The following PKIB variants were observed in gnomAD, a reference collection of about 807,000 sequenced individuals.
The protein encoded by PKIB is PKI-beta.
PKIB carries 2 observed loss-of-function variants against 4.5 expected under a neutral mutation model. The observed-to-expected ratio is 0.44, with a 90% CI of 0.18 to 1.39. The LOEUF (loss-of-function observed/expected upper bound fraction) is 1.39. Ranked by LOEUF, PKIB falls within the 40% of genes most tolerant of loss-of-function variation. The probability of loss-of-function intolerance (pLI) is 0.27; values close to 1 mark genes in which losing one functional copy is unlikely to be tolerated. For synonymous variants in PKIB, 38 were observed against 36.0 expected, an observed-to-expected ratio of 1.06 and a Z score of -0.20; for missense variants, 94 against 92.6, an observed-to-expected ratio of 1.02 and a Z score of -0.06.
intron 3 of PKIB, among the ~76,000 whole-genome samples, chr6:122,716,756 G>A: frequency 6.6e-6 from 1 of 152,128 alleles, no homozygotes; most frequent in East Asian, 1.9e-4. Flanking sequence ...TGTAGCCCAA[G>A]GTTTACATAT....
At chr6:122,554,198 A>G (rs1398254417) in intron 2 of PKIB, among the ~76,000 whole-genome samples, 1 of 152,208 alleles carries the variant, frequency 6.6e-6, no homozygotes, top group Non-Finnish European at 1.5e-5. Context: ...TGTGACTTCA[A>G]ACTATTTGTT....
At chr6:122,618,149 T>C (rs889475424) in intron 1 of PKIB, among the ~76,000 whole-genome samples, 1 of 152,172 alleles carries the variant, frequency 6.6e-6, no homozygotes, top group Non-Finnish European at 1.5e-5. Context: ...TGGTAATCAT[T>C]GATTTAACTC....
At chr6:122,705,842 G>A (rs773903025) in intron 3 of PKIB, among the ~76,000 whole-genome samples, 3 of 152,154 alleles carry the variant, frequency 2.0e-5, no homozygotes, top group Non-Finnish European at 4.4e-5. Flanking sequence ...TGGGATTACG[G>A]CATGAGCCAC....
At chr6:122,594,337 G>A (rs1439026126) in intron 3 of PKIB, among the ~76,000 whole-genome samples, 4 of 151,750 alleles carry the variant, frequency 2.6e-5, no homozygotes, top group African/African-American at 9.7e-5. Flanking sequence ...CCTCCCGAAA[G>A]CTGAGATTAC....
At chr6:122,573,521 C>CAAAAAAAAAAAAAAAAA (rs61014475) in intron 2 of PKIB, among the ~76,000 whole-genome samples, 2 of 87,574 alleles carry the variant, frequency 2.3e-5, no homozygotes, top group Non-Finnish European at 4.6e-5. Flanking sequence ...GACTCTGTCT[C>CAAAAAAAAAAAAAAAAA]AAAAAAAAAA....
intron 2 of PKIB, among the ~76,000 whole-genome samples, chr6:122,496,586 A>G (rs894980023): frequency 6.6e-6 from 1 of 152,226 alleles, no homozygotes; most frequent in African/African-American, 2.4e-5. Flanking sequence ...CTAAAATACA[A>G]TTGAAAGTTT....
chr6:122,635,970 C>G (rs1372847867), intron 2 of PKIB, among the ~76,000 whole-genome samples: 2 of 152,058 alleles, frequency 1.3e-5, no homozygotes, highest in East Asian at 3.8e-4. Flanking sequence ...TTAACCAACG[C>G]AATAAATGTT....
At chr6:122,653,878 A>G (rs1776668982) in intron 2 of PKIB, among the ~76,000 whole-genome samples, 1 of 152,128 alleles carries the variant, frequency 6.6e-6, no homozygotes, top group African/African-American at 2.4e-5. Context: ...GAATGGCTTG[A>G]ACCTGAGAGG....
rs760043510 is a variant in PKIB, at chr6:122,664,905, A to G, written c.-75-10173A>G. Among the ~76,000 whole-genome samples the G allele has an allele frequency of 2.8e-4, 43 of 152,226 alleles. 1 individual carries two copies. The highest frequency in any genetic ancestry group is 5.9e-4 in the Non-Finnish European group (40 of 68,038). On this transcript the variant is annotated intron_variant, in intron 2 of 4. Coordinates refer to ENST00000368452, the MANE Select transcript of PKIB (RefSeq NM_181795.3). ...TTTAGGGAAAAATAAACCTTTGTAA[A>G]AAGAATATTAATACATTTTAAAATT... is the stretch of plus-strand genomic sequence containing the variant.
At chr6:122,631,258 A>C (rs1165491468) in intron 1 of PKIB, among the ~76,000 whole-genome samples, 1 of 152,202 alleles carries the variant, frequency 6.6e-6, no homozygotes, top group Non-Finnish European at 1.5e-5. Context: ...CACATATGGC[A>C]GTCGAGTTAT....
Position 122,717,954 on chromosome 6 carries a change from G to T in PKIB, c.160G>T (p.Val54Leu), listed in dbSNP as rs187660514. 6.2e-7 allele frequency: 1 copy of T among 1,612,966 alleles called. No individual in the cohort carries two copies. Among genetic ancestry groups the T allele is most frequent in the South Asian group, 1.1e-5 (1 of 91,052 alleles). The change falls in exon 4 of 5, where the codon GTG (valine) becomes TTG (leucine). Residue 54 changes from valine (V) to leucine (L), a missense_variant. By Grantham distance (32) the Val-to-Leu change is conservative. Coordinates refer to ENST00000368452, the MANE Select transcript of PKIB (RefSeq NM_181795.3). ...GCCCCTCAAACTGGAGGCTCTCTCC[G>T]TGAAGGAAGGTAATACTCAAAATCC... ...DLPLKLEALS[V>L]KEDAKEKDEK...
At position 122,587,201 on chromosome 6, in the gene PKIB, G is replaced by A. The variant is rs1445180777; in HGVS notation, c.-161+1194G>A. Among the ~76,000 whole-genome samples, 30 of 151,854 alleles carry A rather than the reference G, an allele frequency of 2.0e-4. 1 individual carries two copies. Among genetic ancestry groups the A allele is most frequent in the Non-Finnish European group, 4.1e-4 (28 of 67,960 alleles). On this transcript the variant is annotated intron_variant, in intron 3 of 6. Transcript: ENST00000392491. ...GTCCTCCCACTCCACAATAGGCCCC[G>A]GTATGTGATGTTCCCCTTCCTGTGT... is the stretch of plus-strand genomic sequence containing the variant.
At chr6:122,665,168 A>C (rs1777167514) in intron 2 of PKIB, among the ~76,000 whole-genome samples, 1 of 152,218 alleles carries the variant, frequency 6.6e-6, no homozygotes, top group African/African-American at 2.4e-5. Flanking sequence ...TGACAAAAAA[A>C]ATAAGGTTAG....
In PKIB at chr6:122,667,676, GA is replaced by G. The variant is rs550441910; in HGVS notation, c.-75-7395del. ...TAAGCTAAGAAGTTTAATAGTTATGGAAAAAAATTAAAAGTTACTTCTTTTA... is the reference window on the plus strand; with the variant it reads ...TAAGCTAAGAAGTTTAATAGTTATGGAAAAAATTAAAAGTTACTTCTTTTA... On this transcript the variant is annotated intron_variant, in intron 2 of 4. Transcript: ENST00000368452. Among the ~76,000 whole-genome samples, 53 of 152,232 alleles carry G rather than the reference GA, an allele frequency of 3.5e-4. No individual in the cohort carries two copies. The East Asian group carries it at 8.3e-3, about 24-fold the overall frequency.
At chr6:122,583,006 A>T (rs1773746250) in intron 2 of PKIB, among the ~76,000 whole-genome samples, 1 of 152,052 alleles carries the variant, frequency 6.6e-6, no homozygotes, top group African/African-American at 2.4e-5. Flanking sequence ...ATGAAGAAAT[A>T]TTAATATAAG....
chr6:122,677,402 C>T (rs1030916012), intron 3 of PKIB, among the ~76,000 whole-genome samples: 1 of 152,076 alleles, frequency 6.6e-6, no homozygotes, highest in African/African-American at 2.4e-5. Flanking sequence ...CTCACTGCAT[C>T]GCTAACTTTT....
At chr6:122,598,636 G>A (rs1287595338) in intron 3 of PKIB, among the ~76,000 whole-genome samples, 1 of 152,000 alleles carries the variant, frequency 6.6e-6, no homozygotes, top group Non-Finnish European at 1.5e-5. Flanking sequence ...CTCCCAGCTG[G>A]GATGAGTAGG....
intron 4 of PKIB, among the ~76,000 whole-genome samples, chr6:122,720,039 A>T (rs1311970844): frequency 1.3e-5 from 2 of 152,230 alleles, no homozygotes; most frequent in Non-Finnish European, 1.5e-5. Context: ...TATGAATTTT[A>T]AAATGAATGG....
chr6:122,533,480 C>A (rs914971796), intron 2 of PKIB, among the ~76,000 whole-genome samples: 2 of 152,090 alleles, frequency 1.3e-5, no homozygotes, highest in Admixed American at 6.6e-5. Flanking sequence ...ACCATCAATA[C>A]CAATTTCTGA....
Sources: allele counts gnomAD v4.1 joint callset (sites outside exome capture counted in the v4.1 genomes callset), GRCh38; gene constraint gnomAD v4.1.1; transcripts MANE v1.5; gene names NCBI Gene and HGNC (gene_info 2026-07-23, HGNC 2026-07-21).